Variants in KHDRBS1 observed in about 807,000 individuals in gnomAD.
KHDRBS1 encodes the protein KH domain-containing, RNA-binding, signal transduction-associated protein 1.
Under a neutral mutation model 48.4 loss-of-function variants are expected in KHDRBS1, and 7 were observed. The ratio of observed to expected loss-of-function variants is 0.14; its 90% CI spans 0.08 to 0.27. The LOEUF (loss-of-function observed/expected upper bound fraction) is 0.27. Ranked by LOEUF, KHDRBS1 falls within the 10% of genes least tolerant of loss-of-function variation. The pLI, the probability that KHDRBS1 is intolerant of heterozygous loss-of-function variation, is 1.00. For missense variants in KHDRBS1, 458 were observed against 601.2 expected (o/e 0.76, Z 2.49); for synonymous variants, 241 against 235.8 (o/e 1.02, Z -0.20).
At chr1:32,059,114 T>A (rs1292191189) in intron 10 of KHDRBS1, among the ~76,000 whole-genome samples, 1 of 147,412 alleles carries the variant, frequency 6.8e-6, no homozygotes, top group Non-Finnish European at 1.5e-5. Flanking sequence ...GGAGCTAAGA[T>A]TATGCCCCTG....
At chr1:32,040,717 T>C (rs1413523283) in intron 8 of KHDRBS1, among the ~76,000 whole-genome samples, 1 of 152,214 alleles carries the variant, frequency 6.6e-6, no homozygotes, top group Non-Finnish European at 1.5e-5. Context: ...TAAGGTATTT[T>C]CAGCATACCT....
chr1:32,028,477 C>A (rs1343355530), intron 1 of KHDRBS1, among the ~76,000 whole-genome samples: 1 of 143,476 alleles, frequency 7.0e-6, no homozygotes. Context: ...TATATATACA[C>A]GTATATATAT....
At chr1:32,029,249 A>G (rs753757429) in intron 1 of KHDRBS1, among the ~76,000 whole-genome samples, 1 of 152,226 alleles carries the variant, frequency 6.6e-6, no homozygotes, top group African/African-American at 2.4e-5. Context: ...GTCTGTGCCC[A>G]TGATGGTGGT....
intron 4 of KHDRBS1, among the ~76,000 whole-genome samples, chr1:32,035,111 C>G (rs1031930059): frequency 2.0e-5 from 3 of 152,038 alleles, no homozygotes; most frequent in Admixed American, 1.3e-4. Flanking sequence ...ATCACCCAAG[C>G]CATTCAATTT....
At position 32,042,512 on chromosome 1, in the gene KHDRBS1, T is replaced by A. The variant is rs1322514252; in HGVS notation, c.1235-15T>A. 1 of 1,593,676 alleles carries A rather than the reference T, an allele frequency of 6.3e-7. No individual in the cohort carries two copies. Among genetic ancestry groups the A allele is most frequent in the Admixed American group, 1.7e-5 (1 of 59,888 alleles). ...TCGCCACATGGTTTATAAACTGTCT[T>A]TGTTTTCCCCACAGGCCAGGACGAC... is the stretch of plus-strand genomic sequence containing the variant. On this transcript the variant is annotated splice_polypyrimidine_tract_variant and intron_variant, in intron 8 of 8. Transcript: ENST00000327300.
At chr1:32,032,789 A>G (rs57132485) in intron 3 of KHDRBS1, among the ~76,000 whole-genome samples, 4,772 of 151,952 alleles carry the variant, frequency 0.031, 241 homozygotes, top group African/African-American at 0.11. Flanking sequence ...TCACGGGTTC[A>G]AGCAATTCTC....
chr1:32,039,938 C>T (rs549342909), intron 8 of KHDRBS1, among the ~76,000 whole-genome samples: 1 of 151,962 alleles, frequency 6.6e-6, no homozygotes, highest in South Asian at 2.1e-4. Flanking sequence ...CCTTTGCTGC[C>T]GATATCTAGG....
intron 1 of KHDRBS1, 132 bp from the exon 2 acceptor site, chr1:32,030,166 T>G (rs1639054688): frequency 1.5e-6 from 1 of 645,596 alleles, no homozygotes; most frequent in Admixed American, 3.4e-5. Flanking sequence ...TTCAGCTAGT[T>G]TCTTTCTGAA....
At chr1:32,028,799 C>T (rs758034585) in intron 1 of KHDRBS1, among the ~76,000 whole-genome samples, 17 of 151,172 alleles carry the variant, frequency 1.1e-4, no homozygotes, top group Admixed American at 2.0e-4. Flanking sequence ...GCCACCGCAC[C>T]TGGCCTATTT....
chr1:32,025,806 GTCA>G (rs1638957848), intron 1 of KHDRBS1, among the ~76,000 whole-genome samples: 1 of 141,012 alleles, frequency 7.1e-6, no homozygotes, highest in Non-Finnish European at 1.5e-5. Flanking sequence ...CAGTTGCACA[GTCA>G]TCATAGTTCA....
In KHDRBS1 at chr1:32,036,976, C is replaced by A; in HGVS notation, c.838C>A (p.Pro280Thr). 1.2e-6 allele frequency: 2 copies of A among 1,614,122 alleles called. No individual in the cohort carries two copies. Among genetic ancestry groups the A allele is most frequent in the Non-Finnish European group, 1.7e-6 (2 of 1,179,998 alleles). ...ELSYLNGVPE[P>T]SRGRGVPVRG... ...GTCCTACTTGAATGGAGTACCTGAA[C>A]CCTCTCGTGGACGTGGGGTGCCAGT... The change falls in exon 5 of 9, where the codon CCC becomes ACC. Residue 280 changes from proline to threonine, a missense_variant. Transcript: ENST00000327300.
At chr1:32,039,401 A>C (rs1639241819) in intron 7 of KHDRBS1, 114 bp from the exon 8 acceptor site, 1 of 703,022 alleles carries the variant, frequency 1.4e-6, no homozygotes, top group Non-Finnish European at 2.6e-6. Flanking sequence ...GGGCAGAATG[A>C]GTATTTTCCT....
intron 1 of KHDRBS1, among the ~76,000 whole-genome samples, chr1:32,020,358 C>G (rs1005792099): frequency 2.0e-5 from 3 of 150,106 alleles, no homozygotes; most frequent in Admixed American, 2.0e-4. Context: ...CCCAGGAGGT[C>G]GAGGCTGCCT....
chr1:32,014,364 G>T lies in KHDRBS1; in HGVS notation c.369G>T (p.Gln123His). The T allele has an allele frequency of 6.8e-7, 1 of 1,478,476 alleles. No individual in the cohort carries two copies. The allele number at this position is 1,478,476 out of a possible 1,614,324, so 91.6% of individuals were successfully genotyped here. A position where few individuals can be genotyped will look rare whatever the true frequency, so the allele number is the denominator to read the frequency against. Reference sequence around the variant, plus strand: ...ACCCGTCCTTCACTCACGCCATGCAGCTGCTGACGGCAGGTAAGGGGGCCT... The same window carrying T: ...ACCCGTCCTTCACTCACGCCATGCATCTGCTGACGGCAGGTAAGGGGGCCT... Reference protein sequence around the residue: ...SLDPSFTHAMQLLTAEIEKIQ... With the variant: ...SLDPSFTHAMHLLTAEIEKIQ... The change falls in exon 1 of 9, where the codon CAG (glutamine) becomes CAT (histidine). Residue 123 changes from glutamine to histidine, a missense_variant. This residue lies in a region of KHDRBS1 where 213 missense variants were observed against 215.6 expected (regional missense o/e 0.99). Coordinates refer to ENST00000327300, the MANE Select transcript of KHDRBS1 (RefSeq NM_006559.3).
intron 1 of KHDRBS1, 107 bp from the exon 2 acceptor site, chr1:32,030,191 G>A: frequency 1.2e-6 from 1 of 841,754 alleles, no homozygotes; most frequent in South Asian, 1.9e-5. Flanking sequence ...GCACATTTGT[G>A]TGAACTATTT....
chr1:32,019,021 G>A (rs2124357038), intron 1 of KHDRBS1, among the ~76,000 whole-genome samples: 1 of 151,714 alleles, frequency 6.6e-6, no homozygotes, highest in Non-Finnish European at 1.5e-5. Context: ...CTTGAACCCA[G>A]GAGGTGGAGT....
chr1:32,055,246 G>C (rs1385056991), intron 10 of KHDRBS1, among the ~76,000 whole-genome samples: 1 of 152,108 alleles, frequency 6.6e-6, no homozygotes, highest in Non-Finnish European at 1.5e-5. Flanking sequence ...TCAGGAGTTT[G>C]AGACCAGCCT....
chr1:32,016,426 G>A (rs1283381595), intron 1 of KHDRBS1, among the ~76,000 whole-genome samples: 1 of 151,744 alleles, frequency 6.6e-6, no homozygotes, highest in Non-Finnish European at 1.5e-5. Context: ...CACCTTCCCC[G>A]TTCCCTCACT....
At position 32,014,134 on chromosome 1, in the gene KHDRBS1, G is replaced by A; in HGVS notation, c.139G>A (p.Gly47Ser). 7.5e-7 allele frequency: 1 copy of A among 1,328,614 alleles called. No homozygotes were observed. The highest frequency in any genetic ancestry group is 4.0e-5 in the Admixed American group (1 of 24,774). 82.3% of individuals were successfully genotyped at this position (1,328,614 alleles called of 1,614,324 possible). A position where few individuals can be genotyped will look rare whatever the true frequency, so the allele number is the denominator to read the frequency against. The change falls in exon 1 of 9, where the codon GGC becomes AGC. Residue 47 changes from glycine (G) to serine (S), a missense_variant. By Grantham distance (56) the Gly-to-Ser change is moderately conservative. Around this residue, in one of 3 missense-constraint regions of KHDRBS1, gnomAD observed 213 missense variants for 215.6 expected, o/e 0.99. Coordinates refer to ENST00000327300, the MANE Select transcript of KHDRBS1 (RefSeq NM_006559.3). ...QPPLPHRSRGGGGGSRGGARA... is the reference protein window; with the variant it reads ...QPPLPHRSRGSGGGSRGGARA... The stretch of plus-strand genomic sequence containing the variant: ...GCCGCTGCCTCACCGGTCCCGGGGA[G>A]GCGGAGGGGGATCCCGCGGGGGCGC...
Sources: gnomAD v4.1 joint callset for allele counts (sites outside exome capture counted in the v4.1 genomes callset) on GRCh38, gnomAD v4.1.1 for gene constraint, gnomAD v4.1.1 regional missense constraint, MANE v1.5 for transcripts, NCBI Gene and HGNC (gene_info 2026-07-23, HGNC 2026-07-21) for gene names.